ZCCHC24: variants seen among roughly 807,000 people sequenced by gnomAD.
The protein encoded by ZCCHC24 is zinc finger CCHC-type containing 24.
A neutral mutation model predicts 26.2 loss-of-function variants in ZCCHC24; 10 were observed. The ratio of observed to expected loss-of-function variants is 0.38; its 90% CI spans 0.24 to 0.65. ZCCHC24 has a LOEUF of 0.65. ZCCHC24 is among the 30% of genes least tolerant of loss of function. The pLI is 0.54. For missense variants in ZCCHC24, 243 were observed against 329.1 expected, an observed-to-expected ratio of 0.74 and a Z score of 2.03; for synonymous variants, 144 against 147.1, an observed-to-expected ratio of 0.98 and a Z score of 0.15.
chr10:79,441,079 A>AACACACACACACACACACACACAC (rs55762333), intron 1 of ZCCHC24, among the ~76,000 whole-genome samples: 74 of 135,660 alleles, frequency 5.5e-4, no homozygotes, highest in Non-Finnish European at 7.6e-4. Flanking sequence ...CTGCCCCCTA[A>AACACACACACACACACACACACAC]ACACACACAC....
intron 2 of ZCCHC24, among the ~76,000 whole-genome samples, chr10:79,415,129 T>C (rs1434308053): frequency 6.6e-6 from 1 of 152,184 alleles, no homozygotes; most frequent in Non-Finnish European, 1.5e-5. Flanking sequence ...ACTGAGTTGC[T>C]AGGCTCACAA....
intron 2 of ZCCHC24, among the ~76,000 whole-genome samples, chr10:79,417,642 TGAA>T (rs998100000): frequency 6.6e-6 from 1 of 151,794 alleles, no homozygotes; most frequent in Non-Finnish European, 1.5e-5. Flanking sequence ...GAGACAGAGA[TGAA>T]GAAAGAGAAG....
chr10:79,412,301 T>A (rs1239338567), intron 2 of ZCCHC24, among the ~76,000 whole-genome samples: 1 of 152,238 alleles, frequency 6.6e-6, no homozygotes, highest in Admixed American at 6.5e-5. Context: ...AGCTTCCTGC[T>A]AAGCTCTTGG....
intron 1 of ZCCHC24, among the ~76,000 whole-genome samples, chr10:79,438,250 TC>T (rs1857243279): frequency 6.6e-6 from 1 of 151,762 alleles, no homozygotes; most frequent in Non-Finnish European, 1.5e-5. Flanking sequence ...GCACCCACAC[TC>T]CTCTGTTTGG....
chr10:79,445,096 C>T (rs929167448), intron 1 of ZCCHC24, 99 bp downstream of exon 1: 1 of 1,150,414 alleles, frequency 8.7e-7, no homozygotes, highest in Non-Finnish European at 1.1e-6. Context: ...GGAGCCGGGC[C>T]GCGCCAGGCC....
chr10:79,438,435 G>T (rs1355372949), intron 1 of ZCCHC24, among the ~76,000 whole-genome samples: 1 of 152,200 alleles, frequency 6.6e-6, no homozygotes, highest in African/African-American at 2.4e-5. Context: ...GGCAAGGCGG[G>T]AAGCGAGCCA....
intron 2 of ZCCHC24, chr10:79,403,624 G>C (rs1036515190): frequency 4.1e-6 from 4 of 983,584 alleles, no homozygotes; most frequent in Admixed American, 6.1e-5. Context: ...AGCCTCAAGG[G>C]CCTCCTTGTC....
intron 2 of ZCCHC24, among the ~76,000 whole-genome samples, chr10:79,416,986 T>C (rs1856871108): frequency 6.6e-6 from 1 of 152,350 alleles, no homozygotes; most frequent in South Asian, 2.1e-4. Flanking sequence ...CGGCAGACAC[T>C]GTGGATGGCG....
chr10:79,386,352 A>T lies in ZCCHC24; in HGVS notation c.719T>A (p.Val240Glu). Reference protein sequence around the residue: ...CKVLGYYCRRVQ With the variant: ...CKVLGYYCRREQ ...GTGCGGGCGGGCAGCCCGTCACTGC[A>T]CGCGACGGCAGTAGTAGCCCAGGAC... The change falls in exon 4 of 4, where the codon GTG becomes GAG. Residue 240 changes from valine to glutamate, a missense_variant. Coordinates refer to ENST00000372336, the MANE Select transcript of ZCCHC24 (RefSeq NM_153367.4). The T allele has an allele frequency of 6.2e-7, 1 of 1,612,770 alleles. No individual in the cohort carries two copies. The highest frequency in any genetic ancestry group is 1.3e-5 in the African/African-American group (1 of 75,056).
intron 2 of ZCCHC24, among the ~76,000 whole-genome samples, chr10:79,402,270 T>C (rs1282397640): frequency 6.6e-6 from 1 of 152,076 alleles, no homozygotes; most frequent in South Asian, 2.1e-4. Context: ...TGGTTTTTCT[T>C]TTTTTTTCTT....
At position 79,386,408 on chromosome 10, in the gene ZCCHC24, C is replaced by T. The variant is rs1209417589; in HGVS notation, c.663G>A (p.Glu221=). ...DGLDVSDQSK[E]HPQHLCEKCK... is the part of the protein sequence containing the mutation. ...ACTTCTCGCAGAGGTGCTGCGGGTG[C>T]TCCTTGCTCTGGTCGGACACGTCCA... Residue 221 remains glutamate (E), a synonymous_variant, in exon 4 of 4, where the codon GAG becomes GAA. Coordinates refer to ENST00000372336, the MANE Select transcript of ZCCHC24 (RefSeq NM_153367.4). 2 of 1,611,040 alleles carry T rather than the reference C, an allele frequency of 1.2e-6. No individual in the cohort carries two copies. The highest frequency in any genetic ancestry group is 2.2e-5 in the East Asian group (1 of 44,752).
intron 2 of ZCCHC24, among the ~76,000 whole-genome samples, chr10:79,400,272 C>T (rs117866067): frequency 0.015 from 2,273 of 152,272 alleles, 22 homozygotes; most frequent in Non-Finnish European, 0.024. Flanking sequence ...AAGGGGTGTT[C>T]AAAAATGTCC....
intron 1 of ZCCHC24, among the ~76,000 whole-genome samples, chr10:79,438,922 G>A (rs1362394425): frequency 3.9e-5 from 6 of 152,182 alleles, no homozygotes; most frequent in East Asian, 1.9e-4. Context: ...ACTGGGGACC[G>A]GGCTGCCTCT....
At chr10:79,419,015 G>T (rs1394623155) in intron 2 of ZCCHC24, among the ~76,000 whole-genome samples, 1 of 152,238 alleles carries the variant, frequency 6.6e-6, no homozygotes, top group Non-Finnish European at 1.5e-5. Context: ...CCCAAGGGGT[G>T]TGTGCATGCA....
intron 1 of ZCCHC24, among the ~76,000 whole-genome samples, chr10:79,440,238 C>T (rs561887607): frequency 3.3e-5 from 5 of 152,296 alleles, no homozygotes; most frequent in Non-Finnish European, 5.9e-5. Context: ...CCAGACAATG[C>T]GGATGCTGCA....
intron 2 of ZCCHC24, among the ~76,000 whole-genome samples, chr10:79,431,382 G>A (rs534866542): frequency 2.0e-5 from 3 of 152,308 alleles, no homozygotes; most frequent in African/African-American, 7.2e-5. Flanking sequence ...AGGACCCACT[G>A]GAGATGTGGG....
chr10:79,427,322 T>A (rs1232221091), intron 2 of ZCCHC24, among the ~76,000 whole-genome samples: 1 of 152,150 alleles, frequency 6.6e-6, no homozygotes, highest in Non-Finnish European at 1.5e-5. Flanking sequence ...GACATAGACA[T>A]CACTATGAAC....
chr10:79,409,212 A>T (rs1297839075), intron 2 of ZCCHC24: 1 of 152,200 alleles, frequency 6.6e-6, no homozygotes, highest in African/African-American at 2.4e-5. Flanking sequence ...GCTTCTGCAC[A>T]CCTCTGGGCA....
chr10:79,445,203 G>T lies in ZCCHC24; in HGVS notation c.238C>A (p.Arg80Ser). Residue 80 changes from arginine (R) to serine (S), a missense_variant, in exon 1 of 4, where the codon CGC becomes AGC. By Grantham distance (110) the Arg-to-Ser change is moderately radical. Coordinates refer to ENST00000372336, the MANE Select transcript of ZCCHC24 (RefSeq NM_153367.4). ...CGCGCGGGGGCACCCACCTCTCCGC[G>T]CTGCAGCTGGAAGAAGCTGTTGAGA... is the stretch of plus-strand genomic sequence containing the variant. ...SYLNSFFQLQ[R>S]GEALSNSVYK... The T allele has an allele frequency of 7.8e-7, 1 of 1,288,478 alleles. No homozygotes were observed. Among genetic ancestry groups the T allele is most frequent in the Non-Finnish European group, 9.9e-7 (1 of 1,011,368 alleles). The allele number at this position is 1,288,478 out of a possible 1,614,324, so 79.8% of individuals were successfully genotyped here.
Sources: gnomAD v4.1 joint callset for allele counts (sites outside exome capture counted in the v4.1 genomes callset) on GRCh38, gnomAD v4.1.1 for gene constraint, MANE v1.5 for transcripts, NCBI Gene and HGNC (gene_info 2026-07-23, HGNC 2026-07-21) for gene names.